Variants in SLC6A15 observed in about 807,000 individuals in gnomAD.
The protein encoded by SLC6A15 is solute carrier family 6 member 15.
In SLC6A15, 33 loss-of-function variants were observed where a neutral mutation model predicts 68.5. That is an observed-to-expected ratio of 0.48 (90% CI 0.37 to 0.64). The LOEUF (loss-of-function observed/expected upper bound fraction) is 0.64. Ranked by LOEUF, SLC6A15 falls within the 30% of genes least tolerant of loss-of-function variation. The probability of loss-of-function intolerance (pLI) is 0.00; values close to 1 mark genes in which losing one functional copy is unlikely to be tolerated. For missense variants in SLC6A15, 747 were observed against 874.3 expected, an observed-to-expected ratio of 0.85 and a Z score of 1.84; for synonymous variants, 347 against 301.0, an observed-to-expected ratio of 1.15 and a Z score of -1.58.
intron 1 of SLC6A15, among the ~76,000 whole-genome samples, chr12:84,903,132 A>T (rs538934286): frequency 1.3e-5 from 2 of 152,306 alleles, no homozygotes; most frequent in African/African-American, 4.8e-5. Flanking sequence ...TTCAAAATTA[A>T]TTATAATCAT....
chr12:84,895,339 ATTTTTTTT>A (rs67339994), intron 1 of SLC6A15, among the ~76,000 whole-genome samples: 774 of 54,762 alleles, frequency 0.014, 11 homozygotes, highest in African/African-American at 0.049. Flanking sequence ...TTTTGTTTGT[ATTTTTTTT>A]TTTTTTTTTT....
intron 5 of SLC6A15, among the ~76,000 whole-genome samples, chr12:84,877,089 A>G (rs900673277): frequency 2.0e-5 from 3 of 152,202 alleles, no homozygotes; most frequent in Admixed American, 1.3e-4. Context: ...TCAAACGTGT[A>G]AAGATTTTAC....
intron 5 of SLC6A15, chr12:84,882,628 C>T (rs1871873285): frequency 4.1e-6 from 1 of 245,136 alleles, no homozygotes; most frequent in Non-Finnish European, 6.5e-6. Context: ...AGTTAAAGAA[C>T]ATGGGCTCTA....
intron 5 of SLC6A15, chr12:84,881,435 T>G: frequency 1.0e-6 from 1 of 985,030 alleles, no homozygotes; most frequent in African/African-American, 1.7e-5. Flanking sequence ...TTGAAGACTT[T>G]GATCACTGAG....
At position 84,900,969 on chromosome 12, in the gene SLC6A15, CAT is replaced by C. The variant is rs1439480570; in HGVS notation, c.-188-8663_-188-8662del. Reference sequence around the variant, plus strand: ...GTATAGATATGTATATATATACATACATATATACATGTATATATGTGTATAGA... The same window carrying C: ...GTATAGATATGTATATATATACATACATATACATGTATATATGTGTATAGA... On this transcript the variant is annotated intron_variant, in intron 1 of 11. Transcript: ENST00000266682. Among the ~76,000 whole-genome samples the C allele has an allele frequency of 4.7e-4, 66 of 139,886 alleles. 1 individual carries two copies. The highest frequency in any genetic ancestry group is 1.5e-3 in the African/African-American group (56 of 36,288). 91.8% of individuals were successfully genotyped at this position (139,886 alleles called of 152,430 possible).
intron 1 of SLC6A15, among the ~76,000 whole-genome samples, chr12:84,902,033 G>A (rs1872907742): frequency 6.6e-6 from 1 of 151,664 alleles, no homozygotes; most frequent in Admixed American, 6.6e-5. Flanking sequence ...TATAATTATA[G>A]AGGAAAAATA....
chr12:84,899,707 T>G (rs768791708), intron 1 of SLC6A15, among the ~76,000 whole-genome samples: 3 of 152,160 alleles, frequency 2.0e-5, no homozygotes, highest in Non-Finnish European at 4.4e-5. Flanking sequence ...TCTATGTATA[T>G]GAACATAAAT....
At chr12:84,867,649 T>A (rs1204945644) in intron 9 of SLC6A15, 1 of 152,218 alleles carries the variant, frequency 6.6e-6, no homozygotes, top group Non-Finnish European at 1.5e-5. Flanking sequence ...TATATTATTA[T>A]GAAATATACA....
intron 2 of SLC6A15, among the ~76,000 whole-genome samples, chr12:84,886,558 T>C (rs753238453): frequency 6.7e-6 from 1 of 149,130 alleles, no homozygotes; most frequent in African/African-American, 2.5e-5. Flanking sequence ...AATAACATCA[T>C]GGAAGAAGAA....
chr12:84,895,679 A>T (rs1872608941), intron 1 of SLC6A15, among the ~76,000 whole-genome samples: 1 of 152,030 alleles, frequency 6.6e-6, no homozygotes, highest in Non-Finnish European at 1.5e-5. Context: ...CCATGCACCC[A>T]CTGAACATAA....
intron 5 of SLC6A15, chr12:84,882,549 A>G (rs1441142668): frequency 3.2e-5 from 25 of 775,330 alleles, no homozygotes; most frequent in Non-Finnish European, 3.9e-5. Context: ...GATGAATTAG[A>G]CAGACTTCTG....
intron 6 of SLC6A15, among the ~76,000 whole-genome samples, chr12:84,876,186 G>T (rs2949799): frequency 1 from 151,814 of 151,814 alleles, 75,907 homozygotes; most frequent in Non-Finnish European, 1. Context: ...AAAGAGTTAA[G>T]GAAGACTGAA....
At chr12:84,872,194 C>T (rs981008818) in intron 8 of SLC6A15, among the ~76,000 whole-genome samples, 5 of 150,436 alleles carry the variant, frequency 3.3e-5, no homozygotes, top group African/African-American at 1.2e-4. Context: ...ACTTGTGGAA[C>T]ACAACTATTA....
intron 1 of SLC6A15, among the ~76,000 whole-genome samples, chr12:84,909,967 A>C (rs1873359122): frequency 6.6e-6 from 1 of 152,194 alleles, no homozygotes; most frequent in Admixed American, 6.5e-5. Context: ...TACGGACTTT[A>C]GAGTTTAGTA....
chr12:84,881,765 C>A, intron 5 of SLC6A15: 1 of 903,232 alleles, frequency 1.1e-6, no homozygotes, highest in Non-Finnish European at 1.3e-6. Context: ...GAGGCATTTT[C>A]TGTTTAGTAG....
At chr12:84,903,955 A>G (rs191899533) in intron 1 of SLC6A15, among the ~76,000 whole-genome samples, 1 of 152,244 alleles carries the variant, frequency 6.6e-6, no homozygotes, top group Admixed American at 6.5e-5. Context: ...ATTTGTTCAT[A>G]CATCCTTATA....
At chr12:84,873,535 T>C (rs2120580472) in intron 6 of SLC6A15, among the ~76,000 whole-genome samples, 1 of 152,302 alleles carries the variant, frequency 6.6e-6, no homozygotes, top group East Asian at 1.9e-4. Flanking sequence ...GTCCTTTACA[T>C]GGAGATTTTA....
chr12:84,881,770 T>C (rs956535687), intron 5 of SLC6A15: 1 of 916,838 alleles, frequency 1.1e-6, no homozygotes, highest in Non-Finnish European at 1.3e-6. Flanking sequence ...ATTTTCTGTT[T>C]AGTAGGTAAA....
intron 8 of SLC6A15, 24 bp from the exon 9 acceptor site, chr12:84,870,694 C>A: frequency 2.0e-6 from 3 of 1,510,610 alleles, no homozygotes; most frequent in Non-Finnish European, 2.7e-6. Flanking sequence ...AAAATAGCAA[C>A]ATTAGTACAG....
Sources: allele counts gnomAD v4.1 joint callset (sites outside exome capture counted in the v4.1 genomes callset), GRCh38; gene constraint gnomAD v4.1.1; transcripts MANE v1.5; gene names NCBI Gene and HGNC (gene_info 2026-07-23, HGNC 2026-07-21).